GRID1: variants seen among roughly 807,000 people sequenced by gnomAD.
The protein encoded by GRID1 is glutamate receptor ionotropic, delta-1.
A neutral mutation model predicts 98.0 loss-of-function variants in GRID1; 28 were observed. The ratio of observed to expected loss-of-function variants is 0.29; its 90% CI spans 0.21 to 0.39. GRID1 has a LOEUF of 0.39. GRID1 is among the 10% of genes least tolerant of loss of function. GRID1 has a pLI of 1.00. For synonymous variants in GRID1, 553 were observed against 538.5 expected, an observed-to-expected ratio of 1.03 and a Z score of -0.37; for missense variants, 1,111 against 1,340.5, an observed-to-expected ratio of 0.83 and a Z score of 2.67.
At chr10:85,787,460 C>T (rs1312653824) in intron 8 of GRID1, among the ~76,000 whole-genome samples, 5 of 152,154 alleles carry the variant, frequency 3.3e-5, no homozygotes, top group Non-Finnish European at 5.9e-5. Context: ...ACCCACCTCC[C>T]TGCTGGATTT....
At chr10:86,024,765 C>T (rs1843094828) in intron 4 of GRID1, among the ~76,000 whole-genome samples, 1 of 152,202 alleles carries the variant, frequency 6.6e-6, no homozygotes, top group Non-Finnish European at 1.5e-5. Context: ...TAGTGGTTTC[C>T]TGCCCCATCA....
Position 85,602,318 on chromosome 10 carries a change from G to A in GRID1, c.2985C>T (p.Gly995=), listed in dbSNP as rs754049968. Residue 995 remains glycine, a synonymous_variant, in exon 16 of 16, where the codon GGC becomes GGT. Transcript: ENST00000327946. ...AGGTGTCCAGAGCCTCTGGAAGGAC[G>A]CCTCCAGGCACGGGCTGGAAGGACA... ...IPMSFQPVPG[G]VLPEALDTSH... is the part of the protein sequence containing the mutation. The A allele has an allele frequency of 2.2e-5, 34 of 1,548,452 alleles. No homozygotes were observed. The highest frequency in any genetic ancestry group is 3.8e-5 in the Admixed American group (2 of 52,048).
At position 85,822,227 on chromosome 10, in the gene GRID1, A is replaced by AACT. The variant is rs1227869499; in HGVS notation, c.1233+32266_1233+32268dup. ...TAAAGAGCTTCTGCACAGCAAAACA[A>AACT]ACTACCATCAGAGTGAACAGGCAAC... On this transcript the variant is annotated intron_variant, in intron 8 of 15. Transcript: ENST00000327946. 2.6e-5 allele frequency among the ~76,000 whole-genome samples: 4 copies of AACT among 152,342 alleles called. No individual in the cohort carries two copies. In the East Asian group the frequency reaches 7.7e-4, roughly 29 times the overall value.
chr10:86,233,492 A>T (rs975107400), intron 2 of GRID1, among the ~76,000 whole-genome samples: 2 of 152,104 alleles, frequency 1.3e-5, no homozygotes, highest in African/African-American at 2.4e-5. Flanking sequence ...GCTGGGCCTC[A>T]TAGGTGCCCC....
At chr10:86,092,221 G>A (rs539632442) in intron 4 of GRID1, among the ~76,000 whole-genome samples, 16 of 152,154 alleles carry the variant, frequency 1.1e-4, no homozygotes, top group African/African-American at 3.9e-4. Flanking sequence ...CCCAATGCAA[G>A]GAAATACAAA....
At chr10:86,040,890 T>G (rs562288975) in intron 4 of GRID1, among the ~76,000 whole-genome samples, 7 of 152,302 alleles carry the variant, frequency 4.6e-5, no homozygotes, top group African/African-American at 1.7e-4. Context: ...TGTCAATTTT[T>G]TTTTAAAGTT....
At chr10:86,052,125 T>G (rs1172919773) in intron 4 of GRID1, among the ~76,000 whole-genome samples, 1 of 152,164 alleles carries the variant, frequency 6.6e-6, no homozygotes, top group African/African-American at 2.4e-5. Flanking sequence ...AGGCAAGCCT[T>G]TCTAATACGG....
intron 8 of GRID1, among the ~76,000 whole-genome samples, chr10:85,771,134 C>T (rs1192333809): frequency 6.6e-6 from 1 of 152,200 alleles, no homozygotes; most frequent in Non-Finnish European, 1.5e-5. Context: ...TCGGCAGAAA[C>T]TCTACAAGCC....
At chr10:85,999,549 AC>A (rs1454736927) in intron 4 of GRID1, among the ~76,000 whole-genome samples, 3 of 152,220 alleles carry the variant, frequency 2.0e-5, no homozygotes, top group African/African-American at 4.8e-5. Context: ...GAACATAGAT[AC>A]AAAAAATTTT....
chr10:86,346,679 T>A (rs748914238), intron 2 of GRID1, among the ~76,000 whole-genome samples: 4 of 152,156 alleles, frequency 2.6e-5, no homozygotes, highest in Non-Finnish European at 5.9e-5. Context: ...CAGCCCAGCT[T>A]CCCGAAGTCC....
At chr10:86,341,977 C>T (rs1156862217) in intron 2 of GRID1, among the ~76,000 whole-genome samples, 1 of 152,178 alleles carries the variant, frequency 6.6e-6, no homozygotes, top group Non-Finnish European at 1.5e-5. Context: ...GAAGTTCTAT[C>T]GTGAGATGGG....
chr10:86,294,946 G>GC (rs1164360824), intron 2 of GRID1, among the ~76,000 whole-genome samples: 2 of 152,190 alleles, frequency 1.3e-5, no homozygotes, highest in Non-Finnish European at 2.9e-5. Context: ...GCAGTCCTGA[G>GC]CCCGGGGAAC....
At chr10:85,807,537 A>G (rs1168635467) in intron 8 of GRID1, among the ~76,000 whole-genome samples, 3 of 152,142 alleles carry the variant, frequency 2.0e-5, no homozygotes, top group Non-Finnish European at 4.4e-5. Flanking sequence ...AATCAGTTAG[A>G]AAGAGATAAA....
At chr10:86,079,558 C>A (rs1389572819) in intron 4 of GRID1, among the ~76,000 whole-genome samples, 2 of 152,194 alleles carry the variant, frequency 1.3e-5, no homozygotes, top group African/African-American at 4.8e-5. Context: ...CCACTTTGAA[C>A]ACAGCTGTCT....
chr10:85,821,539 A>C (rs200973939), intron 8 of GRID1, among the ~76,000 whole-genome samples: 1,227 of 97,588 alleles, frequency 0.013, 143 homozygotes, highest in African/African-American at 0.044. Flanking sequence ...AAAAAAAAAA[A>C]AAAAAAGAAA....
chr10:85,784,424 C>T (rs1200400057), intron 8 of GRID1, among the ~76,000 whole-genome samples: 1 of 152,124 alleles, frequency 6.6e-6, no homozygotes, highest in Non-Finnish European at 1.5e-5. Context: ...GGAGTTCTTC[C>T]TAGGGGACAG....
chr10:86,114,593 G>A (rs1844544464), intron 4 of GRID1, among the ~76,000 whole-genome samples: 1 of 152,130 alleles, frequency 6.6e-6, no homozygotes, highest in Non-Finnish European at 1.5e-5. Context: ...CGAAGGTCAG[G>A]CAGCTCCCCT....
At chr10:85,847,939 T>C (rs551632784) in intron 8 of GRID1, among the ~76,000 whole-genome samples, 1 of 152,174 alleles carries the variant, frequency 6.6e-6, no homozygotes, top group Admixed American at 6.5e-5. Flanking sequence ...CAAATAACTA[T>C]CAATTCCTTT....
intron 8 of GRID1, among the ~76,000 whole-genome samples, chr10:85,813,118 T>C (rs66799234): frequency 0.054 from 8,220 of 151,834 alleles, 291 homozygotes; most frequent in Non-Finnish European, 0.083. Context: ...GTTTAATTGA[T>C]GTGCCATTGG....
Sources: gnomAD v4.1 joint callset for allele counts (sites outside exome capture counted in the v4.1 genomes callset) on GRCh38, gnomAD v4.1.1 for gene constraint, MANE v1.5 for transcripts, NCBI Gene and HGNC (gene_info 2026-07-23, HGNC 2026-07-21) for gene names.